Variants in TAFA5 observed in about 807,000 individuals in gnomAD.
The protein encoded by TAFA5 is chemokine-like protein TAFA-5.
In TAFA5, 6 loss-of-function variants were observed where a neutral mutation model predicts 15.3. That is an observed-to-expected ratio of 0.39 (90% confidence interval 0.21 to 0.77). The LOEUF (loss-of-function observed/expected upper bound fraction) is 0.77, where lower values mean the gene tolerates loss of function less well. Ranked by LOEUF, TAFA5 falls within the 30% of genes least tolerant of loss-of-function variation. The pLI is 0.41. For missense variants in TAFA5, 161 were observed against 193.1 expected, an observed-to-expected ratio of 0.83 and a Z score of 0.98; for synonymous variants, 103 against 80.7, an observed-to-expected ratio of 1.28 and a Z score of -1.48.
rs75988173 is a variant in TAFA5 at position 48,679,022 on chromosome 22, G to A, written c.263-28695G>A. Among the ~76,000 whole-genome samples, 422 of 94,094 alleles carry A rather than the reference G, an allele frequency of 4.5e-3. 49 individuals are homozygous for A. Among genetic ancestry groups the A allele is most frequent in the African/African-American group, 0.022 (393 of 18,226 alleles). The allele number at this position is 94,094 out of a possible 152,430, so 61.7% of individuals were successfully genotyped here. On this transcript the variant is annotated intron_variant, in intron 2 of 3. Transcript: ENST00000402357. The stretch of plus-strand genomic sequence containing the variant: ...CCGTCCATCCCTCTCCCGGCTCCGC[G>A]TCCATCCCTCTCCTGGCTCCCCAGC...
intron 1 of TAFA5, among the ~76,000 whole-genome samples, chr22:48,640,483 G>A (rs1444777640): frequency 6.6e-6 from 1 of 152,150 alleles, no homozygotes; most frequent in Non-Finnish European, 1.5e-5. Flanking sequence ...GTGCTTCTAA[G>A]GGGGGGCTTC....
At chr22:48,636,382 A>G (rs1221591477) in intron 1 of TAFA5, among the ~76,000 whole-genome samples, 2 of 152,164 alleles carry the variant, frequency 1.3e-5, no homozygotes, top group African/African-American at 4.8e-5. Flanking sequence ...TTAATAACAA[A>G]CTTGATTTCA....
intron 1 of TAFA5, chr22:48,546,679 G>A (rs1255104078): frequency 2.2e-6 from 1 of 452,424 alleles, no homozygotes; most frequent in Non-Finnish European, 4.6e-6. Flanking sequence ...GGGTCCGCAG[G>A]ATGGGGGGCT....
intron 3 of TAFA5, among the ~76,000 whole-genome samples, chr22:48,709,004 T>A (rs1170340030): frequency 1.3e-5 from 2 of 152,136 alleles, no homozygotes; most frequent in Non-Finnish European, 2.9e-5. Flanking sequence ...AGGGTCGTCT[T>A]CTGAGAGTCG....
chr22:48,559,600 A>T (rs1203540612), intron 1 of TAFA5, among the ~76,000 whole-genome samples: 6 of 152,098 alleles, frequency 3.9e-5, no homozygotes, highest in African/African-American at 1.2e-4. Flanking sequence ...TGCAGCCGTC[A>T]CCGAGAGGGC....
chr22:48,634,996 C>T (rs1926393519), intron 1 of TAFA5, among the ~76,000 whole-genome samples: 1 of 152,180 alleles, frequency 6.6e-6, no homozygotes, highest in Admixed American at 6.5e-5. Flanking sequence ...GAGCCATTTT[C>T]CTGAGGTAGG....
intron 3 of TAFA5, among the ~76,000 whole-genome samples, chr22:48,736,669 C>T (rs1930038289): frequency 6.6e-6 from 1 of 152,220 alleles, no homozygotes; most frequent in African/African-American, 2.4e-5. Context: ...AAAGGAATGG[C>T]ATTCTGATGA....
In TAFA5 at chr22:48,741,357, C is replaced by A. The variant is rs539705916; in HGVS notation, c.391-8482C>A. On this transcript the variant is annotated intron_variant, in intron 3 of 3. Coordinates refer to ENST00000402357, the MANE Select transcript of TAFA5 (RefSeq NM_001082967.3). ...TCCCATCTGGGCACCTTGGGAGTCA[C>A]CCGGCATGTTCCCCAGCACCTCCTG... 1.2e-4 allele frequency among the ~76,000 whole-genome samples: 18 copies of A among 152,342 alleles called. No individual in the cohort carries two copies. In the East Asian group the frequency reaches 3.3e-3, roughly 28 times the overall value.
intron 3 of TAFA5, among the ~76,000 whole-genome samples, chr22:48,720,951 C>G (rs1929550643): frequency 6.6e-6 from 1 of 152,180 alleles, no homozygotes. Flanking sequence ...CAGGCCCCCT[C>G]ATGCACAGTG....
rs151086774 is a variant in TAFA5, at chr22:48,725,568, G to C, written c.390+17724G>C. 9.1e-3 allele frequency among the ~76,000 whole-genome samples: 1,389 copies of C among 152,152 alleles called. 12 individuals are homozygous for C. Among genetic ancestry groups the C allele is most frequent in the Non-Finnish European group, 0.014 (978 of 68,000 alleles). ...CCTGGAACGAAGGCAGACATCCAAG[G>C]GTTTTCTGAATGAAATAGAAGATGG... On this transcript the variant is annotated intron_variant, in intron 3 of 3. Transcript: ENST00000402357.
intron 3 of TAFA5, among the ~76,000 whole-genome samples, chr22:48,743,720 C>G (rs1930247986): frequency 1.3e-5 from 2 of 152,218 alleles, no homozygotes; most frequent in African/African-American, 2.4e-5. Context: ...GTCCAATCTG[C>G]CAGCCCAGCT....
chr22:48,610,905 A>G (rs2147173470), intron 1 of TAFA5, among the ~76,000 whole-genome samples: 1 of 151,116 alleles, frequency 6.6e-6, no homozygotes, highest in South Asian at 2.1e-4. Context: ...CCACTCCAGT[A>G]CATTAATGAC....
chr22:48,536,906 C>G (rs77088357), intron 1 of TAFA5, among the ~76,000 whole-genome samples: 3,930 of 152,244 alleles, frequency 0.026, 277 homozygotes, highest in East Asian at 0.24. Context: ...ACTGGCTGGG[C>G]GATGGCAGCG....
chr22:48,538,624 C>T (rs1019027768), intron 1 of TAFA5, among the ~76,000 whole-genome samples: 11 of 152,204 alleles, frequency 7.2e-5, no homozygotes, highest in Non-Finnish European at 1.5e-4. Context: ...GCTCTCTGCT[C>T]CGGGCCGCGG....
In TAFA5 at chr22:48,490,706, G is replaced by A. The variant is rs1928119465; in HGVS notation, c.112+1002G>A. Among the ~76,000 whole-genome samples the A allele has an allele frequency of 6.6e-6, 1 of 151,006 alleles. No homozygotes were observed. The highest frequency in any genetic ancestry group is 2.4e-5 in the African/African-American group (1 of 40,976). On this transcript the variant is annotated intron_variant, in intron 1 of 3. Coordinates refer to ENST00000402357, the MANE Select transcript of TAFA5 (RefSeq NM_001082967.3). The surrounding 1 kb of genome is among the most constrained non-coding windows in gnomAD (Gnocchi z 5.8). ...CTTGTCTTCAGCGGGAGAATAGGACGGGTGCTGGGGAGCACCTGTCATGGA... is the reference window on the plus strand; with the variant it reads ...CTTGTCTTCAGCGGGAGAATAGGACAGGTGCTGGGGAGCACCTGTCATGGA...
chr22:48,616,294 G>C (rs138913959), intron 1 of TAFA5, among the ~76,000 whole-genome samples: 1,558 of 152,268 alleles, frequency 0.01, 24 homozygotes, highest in African/African-American at 0.036. Flanking sequence ...TAACCCCGCC[G>C]TGCTGATTTT....
chr22:48,698,790 G>A (rs1928809211), intron 2 of TAFA5, among the ~76,000 whole-genome samples: 1 of 79,962 alleles, frequency 1.3e-5, no homozygotes, highest in Non-Finnish European at 2.6e-5. Context: ...GGCTCTACAG[G>A]CCCCGTGCGT....
intron 1 of TAFA5, among the ~76,000 whole-genome samples, chr22:48,613,176 A>G (rs1010337902): frequency 1.9e-4 from 29 of 152,124 alleles, no homozygotes; most frequent in Non-Finnish European, 2.9e-5. Context: ...TCTAGGGAGC[A>G]CTCACGGCTG....
chr22:48,601,105 G>T (rs28781948), intron 1 of TAFA5, among the ~76,000 whole-genome samples: 2 of 152,236 alleles, frequency 1.3e-5, no homozygotes, highest in Non-Finnish European at 2.9e-5. Flanking sequence ...CCTGTTATTA[G>T]AATTGTCCTG....
Sources: gnomAD v4.1 joint callset for allele counts (sites outside exome capture counted in the v4.1 genomes callset) on GRCh38, gnomAD v4.1.1 for gene constraint, Gnocchi (gnomAD v3.1) non-coding constraint, MANE v1.5 for transcripts, NCBI Gene and HGNC (gene_info 2026-07-23, HGNC 2026-07-21) for gene names.